The following LAMC2 variants were observed in gnomAD, a reference collection of about 807,000 sequenced individuals.
The protein encoded by LAMC2 is laminin subunit gamma-2.
A neutral mutation model predicts 140.2 loss-of-function variants in LAMC2; 97 were observed. The observed-to-expected ratio is 0.69, with a 90% CI of 0.59 to 0.82. The LOEUF is 0.82. Ranked by LOEUF, LAMC2 falls within the 40% of genes least tolerant of loss-of-function variation. The pLI is 0.00. For synonymous variants in LAMC2, 513 were observed against 540.2 expected (o/e 0.95, Z 0.70); for missense variants, 1,402 against 1,476.1 (o/e 0.95, Z 0.82).
intron 2 of LAMC2, among the ~76,000 whole-genome samples, chr1:183,208,837 G>A (rs2102198346): frequency 6.6e-6 from 1 of 152,014 alleles, no homozygotes; most frequent in African/African-American, 2.4e-5. Context: ...CCACCACCAC[G>A]CCCAGCTAAT....
At chr1:183,243,117 T>G in intron 22 of LAMC2, 30 bp from the exon 23 acceptor site, 1 of 1,613,666 alleles carries the variant, frequency 6.2e-7, no homozygotes, top group East Asian at 2.2e-5. Context: ...AGCTTTTCTA[T>G]GTTAACTTGT....
At chr1:183,196,945 G>T (rs1217518322) in intron 1 of LAMC2, among the ~76,000 whole-genome samples, 1 of 152,174 alleles carries the variant, frequency 6.6e-6, no homozygotes, top group East Asian at 1.9e-4. Flanking sequence ...ATGAAATTAG[G>T]CTGGAAAAGT....
intron 5 of LAMC2, 40 bp from the exon 6 acceptor site, chr1:183,222,049 A>G: frequency 6.2e-7 from 1 of 1,613,842 alleles, no homozygotes; most frequent in Non-Finnish European, 8.5e-7. Flanking sequence ...ATAGATGATG[A>G]GGGCTTGTCC....
In LAMC2 at chr1:183,239,576, C is replaced by G; in HGVS notation, c.3069+13C>G. 6.2e-7 allele frequency: 1 copy of G among 1,608,888 alleles called. No individual in the cohort carries two copies. The highest frequency in any genetic ancestry group is 8.5e-7 in the Non-Finnish European group (1 of 1,176,458). On this transcript the variant is annotated intron_variant, in intron 20 of 22. Transcript: ENST00000264144. ...TGAGATTGAACAGGTAAAGAGAAATCGACATGTGTGTTGGTGCCAGTAGCA... is the reference window on the plus strand; with the variant it reads ...TGAGATTGAACAGGTAAAGAGAAATGGACATGTGTGTTGGTGCCAGTAGCA...
intron 1 of LAMC2, among the ~76,000 whole-genome samples, chr1:183,187,874 T>C (rs1658202892): frequency 6.6e-6 from 1 of 152,240 alleles, no homozygotes; most frequent in Non-Finnish European, 1.5e-5. Flanking sequence ...CAGGGGCTCT[T>C]AGGCTGGAGC....
At chr1:183,230,411 TCCTTAACTCCTATAACAGAA>T (rs1659763673) in intron 11 of LAMC2, among the ~76,000 whole-genome samples, 1 of 152,226 alleles carries the variant, frequency 6.6e-6, no homozygotes, top group African/African-American at 2.4e-5. Flanking sequence ...CACTATCATA[TCCTTAACTCCTATAACAGAA>T]CCTGGCTTAA....
At position 183,239,491 on chromosome 1, in the gene LAMC2, C is replaced by A; in HGVS notation, c.2997C>A (p.Ser999Arg). 11 of 1,613,758 alleles carry A rather than the reference C, an allele frequency of 6.8e-6. No homozygotes were observed. The highest frequency in any genetic ancestry group is 8.5e-6 in the Non-Finnish European group (10 of 1,179,908). The change falls in exon 20 of 23, where the codon AGC becomes AGA. Residue 999 changes from serine to arginine, a missense_variant. By Grantham distance (110) the Ser-to-Arg change is moderately radical. Transcript: ENST00000264144. ...AGCAAGCAGAAAGAGCCCTGGGGAG[C>A]GCTGCTGCTGATGCACAGAGGGCAA... is the stretch of plus-strand genomic sequence containing the variant. ...KTQQAERALGSAAADAQRAKN... is the reference protein window; with the variant it reads ...KTQQAERALGRAAADAQRAKN...
At chr1:183,218,170 C>T (rs1203567687) in intron 3 of LAMC2, among the ~76,000 whole-genome samples, 5 of 152,220 alleles carry the variant, frequency 3.3e-5, no homozygotes, top group African/African-American at 9.6e-5. Context: ...GTTCTCGGCC[C>T]AGCTGCTACC....
At position 183,240,359 on chromosome 1, in the gene LAMC2, T is replaced by A; in HGVS notation, c.3296T>A (p.Leu1099His). ...KNAGVTIQDT[L>H]NTLDGLLHLM... Reference sequence around the variant, plus strand: ...GCTGGGGTTACAATCCAAGACACACTCAACACATTAGACGGCCTCCTGCAT... The same window carrying A: ...GCTGGGGTTACAATCCAAGACACACACAACACATTAGACGGCCTCCTGCAT... Residue 1099 changes from leucine to histidine, a missense_variant, in exon 22 of 23, where the codon CTC (leucine) becomes CAC (histidine). This residue lies in a region of LAMC2 where 670 missense variants were observed against 667.2 expected (regional missense o/e 1.00). Transcript: ENST00000264144. 1.9e-6 allele frequency: 3 copies of A among 1,614,188 alleles called. No homozygotes were observed. Among genetic ancestry groups the A allele is most frequent in the Non-Finnish European group, 2.5e-6 (3 of 1,180,028 alleles).
chr1:183,226,566 C>T, intron 8 of LAMC2, 132 bp from the exon 9 acceptor site: 1 of 800,072 alleles, frequency 1.2e-6, no homozygotes, highest in South Asian at 1.4e-5. Flanking sequence ...CCATACCTCT[C>T]TACATGGCAT....
intron 1 of LAMC2, among the ~76,000 whole-genome samples, chr1:183,194,709 A>G (rs779252019): frequency 6.6e-6 from 1 of 152,172 alleles, no homozygotes; most frequent in Non-Finnish European, 1.5e-5. Flanking sequence ...GCATCCCTGG[A>G]ATCTCTGATT....
intron 19 of LAMC2, 124 bp from the exon 20 acceptor site, chr1:183,239,238 CCA>C (rs1382266367): frequency 1.5e-5 from 13 of 885,260 alleles, no homozygotes; most frequent in Non-Finnish European, 2.3e-5. Flanking sequence ...CCGTAACTTC[CCA>C]CACCGTCATC....
intron 3 of LAMC2, 152 bp from the exon 4 acceptor site, chr1:183,218,238 G>C (rs1659338776): frequency 4.4e-6 from 3 of 688,314 alleles, no homozygotes; most frequent in African/African-American, 3.5e-5. Context: ...GTGTGTGAGA[G>C]AGGTCCGCAC....
chr1:183,232,439 C>T, intron 13 of LAMC2, 96 bp downstream of exon 13: 1 of 1,387,558 alleles, frequency 7.2e-7, no homozygotes, highest in Non-Finnish European at 1.0e-6. Flanking sequence ...GATATCAGTT[C>T]AGCAGTTATC....
intron 13 of LAMC2, 53 bp downstream of exon 13, chr1:183,232,396 G>A: frequency 6.3e-7 from 1 of 1,589,128 alleles, no homozygotes; most frequent in Non-Finnish European, 8.6e-7. Flanking sequence ...GTCCTAGAAG[G>A]AATGGCTACG....
chr1:183,207,854 G>A (rs777677264), intron 1 of LAMC2, 27 bp from the exon 2 acceptor site: 1 of 1,284,342 alleles, frequency 7.8e-7, no homozygotes, highest in African/African-American at 2.0e-5. Flanking sequence ...TTTTTTTGAC[G>A]ATCTCTTTTG....
intron 15 of LAMC2, among the ~76,000 whole-genome samples, chr1:183,234,982 G>T (rs1027761657): frequency 6.6e-6 from 1 of 152,204 alleles, no homozygotes; most frequent in Non-Finnish European, 1.5e-5. Context: ...GCTCAGCAGG[G>T]TGGCAGGCTC....
intron 1 of LAMC2, among the ~76,000 whole-genome samples, chr1:183,201,513 A>T (rs1040759598): frequency 6.6e-6 from 1 of 152,194 alleles, no homozygotes; most frequent in African/African-American, 2.4e-5. Context: ...TTCTTTTTAG[A>T]TGCATACATC....
At chr1:183,238,678 G>A in intron 19 of LAMC2, among the ~76,000 whole-genome samples, 1 of 152,192 alleles carries the variant, frequency 6.6e-6, no homozygotes, top group East Asian at 1.9e-4. Flanking sequence ...GTGACCATAG[G>A]CAAGTCATGT....
Sources: allele counts gnomAD v4.1 joint callset (sites outside exome capture counted in the v4.1 genomes callset), GRCh38; gene constraint gnomAD v4.1.1; regional missense constraint gnomAD v4.1.1; transcripts MANE v1.5; gene names NCBI Gene and HGNC (gene_info 2026-07-23, HGNC 2026-07-21).